Variants in ZNF3 observed in about 807,000 individuals in gnomAD.
ZNF3 encodes the protein C2-H2 type zinc finger protein.
ZNF3 carries 16 observed loss-of-function variants against 36.9 expected under a neutral mutation model. The observed-to-expected ratio is 0.43, with a 90% CI of 0.29 to 0.66. The LOEUF (loss-of-function observed/expected upper bound fraction) is 0.66, where lower values mean the gene tolerates loss of function less well. ZNF3 is among the 30% of genes least tolerant of loss of function. The probability of loss-of-function intolerance (pLI) is 0.13; values close to 1 mark genes in which losing one functional copy is unlikely to be tolerated. For synonymous variants in ZNF3, 201 were observed against 201.9 expected (o/e 1.00, Z 0.04); for missense variants, 462 against 543.1 (o/e 0.85, Z 1.48).
At chr7:100,074,885 AC>A (rs1420061216) in intron 5 of ZNF3, among the ~76,000 whole-genome samples, 5 of 152,068 alleles carry the variant, frequency 3.3e-5, no homozygotes, top group Admixed American at 6.6e-5. Flanking sequence ...ACAAAAAAAA[AC>A]AAAACAAATA....
chr7:100,071,132 G>T lies in ZNF3; in HGVS notation c.*11C>A, dbSNP rs369469788. On this transcript the variant is annotated 3_prime_UTR_variant, in exon 6 of 6. Transcript: ENST00000299667. ...CTCAGGGAAAGTGAGGAAAATGGGT[G>T]TGTGGCTCTTTCACGTGGACTCTCT... The T allele has an allele frequency of 1.9e-6, 3 of 1,563,822 alleles. No homozygotes were observed. The highest frequency in any genetic ancestry group is 2.7e-5 in the African/African-American group (2 of 73,398).
At chr7:100,064,713 A>G (rs1440065800) in exon 6 of ZNF3, 1 of 1,608,752 alleles carries the variant, frequency 6.2e-7, no homozygotes, top group Non-Finnish European at 8.5e-7. Flanking sequence ...TTCCGGTGAT[A>G]GAGTTTGTAT....
chr7:100,077,480 C>T, intron 2 of ZNF3, 47 bp from the exon 3 acceptor site: 2 of 1,540,048 alleles, frequency 1.3e-6, no homozygotes, highest in Non-Finnish European at 1.8e-6. Flanking sequence ...AAAAAAACCT[C>T]CTGAATACAG....
chr7:100,070,883 G>C lies in ZNF3; in HGVS notation c.*260C>G, dbSNP rs1381260378. 9 of 1,256,606 alleles carry C rather than the reference G, an allele frequency of 7.2e-6. No homozygotes were observed. The highest frequency in any genetic ancestry group is 9.0e-6 in the Non-Finnish European group (9 of 1,000,066). The allele number at this position is 1,256,606 out of a possible 1,614,324, so 77.8% of individuals were successfully genotyped here. On this transcript the variant is annotated 3_prime_UTR_variant, in exon 6 of 6. Transcript: ENST00000299667. ...AGGTTCCTCTGCTGTGAGAAAAACA[G>C]TTTAGTGCAAACTCCTTTCCTAAAT...
Position 100,070,709 on chromosome 7 carries a change from T to C in ZNF3, c.*434A>G, listed in dbSNP as rs537343456. 6 of 997,682 alleles carry C rather than the reference T, an allele frequency of 6.0e-6. No individual in the cohort carries two copies. The highest frequency in any genetic ancestry group is 7.2e-6 in the Non-Finnish European group (6 of 836,938). 61.8% of individuals were successfully genotyped at this position (997,682 alleles called of 1,614,324 possible). ...AAACTTAAAGCTGGACTAGGAACAG[T>C]AGCTTTGAAATAGTCTCCCTTTACC... is the stretch of plus-strand genomic sequence containing the variant. On this transcript the variant is annotated 3_prime_UTR_variant, in exon 6 of 6. Coordinates refer to ENST00000299667, the MANE Select transcript of ZNF3 (RefSeq NM_032924.5).
At chr7:100,066,397 G>A (rs1584397316), downstream of ZNF3, among the ~76,000 whole-genome samples, 1 of 152,040 alleles carries the variant, frequency 6.6e-6, no homozygotes, top group Admixed American at 6.6e-5. Flanking sequence ...GCAACATAGT[G>A]AGATCCCATC....
Position 100,070,467 on chromosome 7 carries a change from T to G in ZNF3, c.*676A>C. On this transcript the variant is annotated 3_prime_UTR_variant, in exon 6 of 6. Coordinates refer to ENST00000299667, the MANE Select transcript of ZNF3 (RefSeq NM_032924.5). The stretch of plus-strand genomic sequence containing the variant: ...TAGCTGTTTGGACAGATTTGCCCAT[T>G]CAGCCCCAGGACAACTGGGGGGGAT... The G allele has an allele frequency of 1.0e-6, 1 of 985,546 alleles. No individual in the cohort carries two copies. The highest frequency in any genetic ancestry group is 4.7e-5 in the South Asian group (1 of 21,292). 61.1% of individuals were successfully genotyped at this position (985,546 alleles called of 1,614,324 possible).
At position 100,075,638 on chromosome 7, in the gene ZNF3, G is replaced by C; in HGVS notation, c.56-8C>G. The stretch of plus-strand genomic sequence containing the variant: ...GAACTTTTGAAGGAAGAGCTGAAGG[G>C]CAATAAAAGGGCCCAGGAATGAGTC... On this transcript the variant is annotated splice_region_variant and splice_polypyrimidine_tract_variant and intron_variant, in intron 3 of 5. Coordinates refer to ENST00000299667, the MANE Select transcript of ZNF3 (RefSeq NM_032924.5). The C allele has an allele frequency of 5.0e-6, 8 of 1,613,728 alleles. No individual in the cohort carries two copies. The highest frequency in any genetic ancestry group is 6.8e-6 in the Non-Finnish European group (8 of 1,179,786).
exon 6 of ZNF3, chr7:100,064,868 A>T: frequency 6.2e-7 from 1 of 1,610,564 alleles, no homozygotes; most frequent in Non-Finnish European, 8.5e-7. Flanking sequence ...CCAGTAAGCC[A>T]TGCCAGCATT....
At position 100,074,992 on chromosome 7, in the gene ZNF3, T is replaced by C; in HGVS notation, c.271+143A>G. 2.9e-6 allele frequency: 3 copies of C among 1,046,412 alleles called. No individual in the cohort carries two copies. The South Asian group carries it at 4.8e-5, about 17-fold the overall frequency. The allele number at this position is 1,046,412 out of a possible 1,614,324, so 64.8% of individuals were successfully genotyped here. ...GGAACACTTGAATCTGGGAGATGGA[T>C]GTTGCACTGAGCAAAGATTGTGCCA... On this transcript the variant is annotated intron_variant, in intron 5 of 5. Transcript: ENST00000299667.
chr7:100,072,421 A>G (rs1289309974), intron 5 of ZNF3, among the ~76,000 whole-genome samples: 1 of 152,222 alleles, frequency 6.6e-6, no homozygotes, highest in Non-Finnish European at 1.5e-5. Context: ...CAAGGAGAAC[A>G]GAGCTGGAAG....
Position 100,072,180 on chromosome 7 carries a change from T to A in ZNF3, c.304A>T (p.Ile102Phe), listed in dbSNP as rs1418251574. The change falls in exon 6 of 6, where the codon ATT (isoleucine) becomes TTT (phenylalanine). Residue 102 changes from isoleucine (I) to phenylalanine (F), a missense_variant. By Grantham distance (21) the Ile-to-Phe change is conservative. Coordinates refer to ENST00000299667, the MANE Select transcript of ZNF3 (RefSeq NM_032924.5). ...RETRTENDQE[I>F]SEDTRSHGVL... ...CCATGTGATCTTGTGTCTTCAGAAATTTCTTGATCATTTTCAGTCCTGGTC... is the reference window on the plus strand; with the variant it reads ...CCATGTGATCTTGTGTCTTCAGAAAATTCTTGATCATTTTCAGTCCTGGTC... 6.3e-7 allele frequency: 1 copy of A among 1,595,130 alleles called. No homozygotes were observed. Among genetic ancestry groups the A allele is most frequent in the South Asian group, 1.1e-5 (1 of 87,198 alleles).
rs774647848 is a variant in ZNF3 at position 100,064,250 on chromosome 7, G to A, written c.*538C>T. 4.9e-5 allele frequency: 79 copies of A among 1,614,024 alleles called. No homozygotes were observed. Among genetic ancestry groups the A allele is most frequent in the Middle Eastern group, 3.3e-4 (2 of 6,084 alleles). ...AGCTCAGACCTTCTTAAACATCAGA[G>A]AATGCACACAGAAGAGGCGCCATAT... On this transcript the variant is annotated 3_prime_UTR_variant, in exon 6 of 6. Coordinates refer to the ZNF3 transcript ENST00000413658.
rs375951297 is a variant in ZNF3, at chr7:100,077,618, G to A, written c.-76-185C>T. ...TCCTTTTTGTGGAGAACAGGGTCTC[G>A]CTATATTGCCCAGGCAGGTCTGGAA... On this transcript the variant is annotated intron_variant, in intron 2 of 5. Transcript: ENST00000299667. 1.3e-3 allele frequency: 495 copies of A among 379,718 alleles called. 4 individuals are homozygous for A. The highest frequency in any genetic ancestry group is 9.2e-3 in the African/African-American group (445 of 48,378). The allele number at this position is 379,718 out of a possible 1,614,324, so 23.5% of individuals were successfully genotyped here. A position where few individuals can be genotyped will look rare whatever the true frequency, so the allele number is the denominator to read the frequency against.
downstream of ZNF3, among the ~76,000 whole-genome samples, chr7:100,069,421 G>A (rs1437178186): frequency 3.3e-5 from 5 of 152,128 alleles, no homozygotes; most frequent in East Asian, 9.7e-4. Context: ...GCGTGGTGGT[G>A]CACACCTGTA....
At chr7:100,067,751 G>A (rs570385449), downstream of ZNF3, among the ~76,000 whole-genome samples, 1 of 152,262 alleles carries the variant, frequency 6.6e-6, no homozygotes, top group Middle Eastern at 3.4e-3. Context: ...CGCTGACACA[G>A]AGTATATGCC....
intron 4 of ZNF3, 45 bp downstream of exon 4, chr7:100,075,497 G>A (rs1267414089): frequency 9.3e-6 from 15 of 1,607,128 alleles, no homozygotes; most frequent in Non-Finnish European, 1.2e-5. Flanking sequence ...GGATGTCATT[G>A]CACAGAAAAT....
In ZNF3 at chr7:100,064,258, AC is replaced by A. The variant is rs1445462110; in HGVS notation, c.*529del. ...CCTTCTTAAACATCAGAGAATGCAC[AC>A]AGAAGAGGCGCCATATCAGTGCAAA... On this transcript the variant is annotated 3_prime_UTR_variant, in exon 6 of 6. Coordinates refer to the ZNF3 transcript ENST00000413658. The A allele has an allele frequency of 6.8e-6, 11 of 1,614,030 alleles. No individual in the cohort carries two copies. In the Admixed American group the frequency reaches 1.0e-4, roughly 15 times the overall value.
chr7:100,065,434 A>T (rs1174867133), downstream of ZNF3, among the ~76,000 whole-genome samples: 1 of 152,018 alleles, frequency 6.6e-6, no homozygotes, highest in Non-Finnish European at 1.5e-5. Flanking sequence ...AAAAAAAAAA[A>T]AAATAAAGCG....
Sources: gnomAD v4.1 joint callset for allele counts (sites outside exome capture counted in the v4.1 genomes callset) on GRCh38, gnomAD v4.1.1 for gene constraint, MANE v1.5 for transcripts, NCBI Gene and HGNC (gene_info 2026-07-23, HGNC 2026-07-21) for gene names.